WWC1: variants seen among roughly 807,000 people sequenced by gnomAD.
WWC1 encodes protein KIBRA.
In WWC1, 55 loss-of-function variants were observed where a neutral mutation model predicts 138.4. That is an observed-to-expected ratio of 0.40 (90% CI 0.32 to 0.50). The LOEUF is 0.50. WWC1 is among the 20% of genes least tolerant of loss of function. The pLI is 0.72. For missense variants in WWC1, 1,226 were observed against 1,420.4 expected (o/e 0.86, Z 2.20); for synonymous variants, 524 against 564.9 (o/e 0.93, Z 1.03).
intron 19 of WWC1, among the ~76,000 whole-genome samples, chr5:168,459,783 A>G (rs919358757): frequency 2.0e-5 from 3 of 152,154 alleles, no homozygotes; most frequent in African/African-American, 7.2e-5. Flanking sequence ...GCAACAGTGA[A>G]CTGACAGCTG....
chr5:168,404,293 G>A (rs75747030), intron 5 of WWC1, among the ~76,000 whole-genome samples: 1 of 152,254 alleles, frequency 6.6e-6, no homozygotes, highest in East Asian at 1.9e-4. Flanking sequence ...GACACTGGCT[G>A]TGGGGAGCCT....
At chr5:168,296,083 C>T (rs1401084089) in intron 1 of WWC1, among the ~76,000 whole-genome samples, 2 of 152,142 alleles carry the variant, frequency 1.3e-5, no homozygotes, top group Admixed American at 1.3e-4. Context: ...TGAGCTCTAG[C>T]GAAGGGGCCA....
intron 21 of WWC1, 57 bp from the exon 22 acceptor site, chr5:168,467,783 C>T: frequency 6.2e-7 from 1 of 1,611,610 alleles, no homozygotes; most frequent in South Asian, 1.1e-5. Context: ...GCGAGTTCTC[C>T]TTGCCCCTTT....
At chr5:168,446,233 A>T (rs13169493) in intron 17 of WWC1, among the ~76,000 whole-genome samples, 25 of 27,338 alleles carry the variant, frequency 9.1e-4, no homozygotes, top group Admixed American at 3.9e-3. Context: ...TCCCATTATT[A>T]AAAAAAAAAA....
intron 20 of WWC1, among the ~76,000 whole-genome samples, chr5:168,463,479 C>G (rs1166934049): frequency 6.6e-6 from 1 of 152,104 alleles, no homozygotes; most frequent in Admixed American, 6.6e-5. Context: ...AGAGCCCAGC[C>G]AGGAAAAGCC....
chr5:168,447,596 A>G (rs749452304), intron 17 of WWC1, among the ~76,000 whole-genome samples: 6 of 152,180 alleles, frequency 3.9e-5, no homozygotes, highest in Non-Finnish European at 7.3e-5. Flanking sequence ...TAGACTGTCC[A>G]AAACAAAGCA....
intron 9 of WWC1, chr5:168,414,900 T>C: frequency 3.2e-6 from 1 of 311,146 alleles, no homozygotes; most frequent in Non-Finnish European, 5.9e-6. Context: ...AGCAGTCATT[T>C]TCCAACTTTT....
chr5:168,316,180 C>T (rs1269966117), intron 1 of WWC1, among the ~76,000 whole-genome samples: 1 of 152,100 alleles, frequency 6.6e-6, no homozygotes, highest in Non-Finnish European at 1.5e-5. Context: ...CTGTGAGGCT[C>T]GCAATTGCTA....
At chr5:168,303,139 T>C (rs1261569115) in intron 1 of WWC1, among the ~76,000 whole-genome samples, 2 of 152,096 alleles carry the variant, frequency 1.3e-5, no homozygotes, top group Non-Finnish European at 2.9e-5. Flanking sequence ...CGAAGTAACT[T>C]CGTCCTCCCT....
chr5:168,322,723 G>A (rs975359867), intron 1 of WWC1, among the ~76,000 whole-genome samples: 5 of 152,254 alleles, frequency 3.3e-5, no homozygotes, highest in South Asian at 2.1e-4. Context: ...GAGACAGGTC[G>A]GTCTGGACCA....
chr5:168,400,807 G>C (rs1356369460), intron 5 of WWC1, among the ~76,000 whole-genome samples: 1 of 141,948 alleles, frequency 7.0e-6, no homozygotes. Context: ...GTGAGACCCT[G>C]TCTTGAAAGA....
intron 5 of WWC1, among the ~76,000 whole-genome samples, chr5:168,404,107 A>C (rs1245047157): frequency 6.6e-6 from 1 of 152,116 alleles, no homozygotes; most frequent in Non-Finnish European, 1.5e-5. Flanking sequence ...GAGGCCTGGC[A>C]GACAAACCAC....
At chr5:168,441,565 T>C in intron 15 of WWC1, 117 bp from the exon 16 acceptor site, 1 of 982,458 alleles carries the variant, frequency 1.0e-6, no homozygotes, top group Non-Finnish European at 1.5e-6. Flanking sequence ...CCTGCCGGGA[T>C]GCCTACCTCT....
intron 1 of WWC1, among the ~76,000 whole-genome samples, chr5:168,353,234 C>T (rs2152791402): frequency 6.6e-6 from 1 of 152,276 alleles, no homozygotes; most frequent in African/African-American, 2.4e-5. Context: ...CCCCACATTC[C>T]CTAAGAGAAG....
intron 6 of WWC1, among the ~76,000 whole-genome samples, chr5:168,407,406 A>G (rs1486035515): frequency 6.6e-6 from 1 of 152,172 alleles, no homozygotes; most frequent in Non-Finnish European, 1.5e-5. Flanking sequence ...CCCCCTGTAC[A>G]TATCACCTCC....
chr5:168,416,931 G>A (rs1197229150), intron 9 of WWC1, among the ~76,000 whole-genome samples: 3 of 152,058 alleles, frequency 2.0e-5, no homozygotes, highest in East Asian at 3.9e-4. Context: ...GCAGTGGCAC[G>A]ATCTCGGCTT....
chr5:168,302,638 C>G (rs1042859164), intron 1 of WWC1, among the ~76,000 whole-genome samples: 1 of 152,108 alleles, frequency 6.6e-6, no homozygotes, highest in African/African-American at 2.4e-5. Flanking sequence ...GAGTCTCCAA[C>G]TCGTAGAATT....
At chr5:168,440,745 G>T (rs111630559) in intron 15 of WWC1, among the ~76,000 whole-genome samples, 1 of 152,096 alleles carries the variant, frequency 6.6e-6, no homozygotes, top group Non-Finnish European at 1.5e-5. Context: ...TCGATCTCCC[G>T]ACCTCAGATG....
At chr5:168,372,486 T>G (rs1380515071) in intron 2 of WWC1, among the ~76,000 whole-genome samples, 1 of 152,228 alleles carries the variant, frequency 6.6e-6, no homozygotes, top group Non-Finnish European at 1.5e-5. Flanking sequence ...AGGCTGAGAC[T>G]AGGGCATCAA....
Sources: allele counts gnomAD v4.1 joint callset (sites outside exome capture counted in the v4.1 genomes callset), GRCh38; gene constraint gnomAD v4.1.1; transcripts MANE v1.5; gene names NCBI Gene and HGNC (gene_info 2026-07-23, HGNC 2026-07-21).